Variants in MTMR9 observed in about 807,000 individuals in gnomAD.
The protein encoded by MTMR9 is myotubularin-related protein 9.
A neutral mutation model predicts 69.5 loss-of-function variants in MTMR9; 39 were observed. The observed-to-expected ratio is 0.56, with a 90% CI of 0.43 to 0.73. The LOEUF (loss-of-function observed/expected upper bound fraction) is 0.73, where lower values mean the gene tolerates loss of function less well. Among genes scored for constraint, MTMR9 ranks in the 30% least tolerant of loss-of-function variants. MTMR9 has a pLI of 0.00. For missense variants in MTMR9, 900 were observed against 671.2 expected (o/e 1.34, Z -3.77); for synonymous variants, 354 against 240.8 (o/e 1.47, Z -4.35).
At chr8:11,293,107 A>G (rs532625188) in intron 1 of MTMR9, among the ~76,000 whole-genome samples, 8 of 152,314 alleles carry the variant, frequency 5.3e-5, no homozygotes, top group African/African-American at 1.7e-4. Flanking sequence ...TATGTTATTA[A>G]TATTTCCCCT....
chr8:11,319,485 C>T (rs899869692), intron 8 of MTMR9: 7 of 570,584 alleles, frequency 1.2e-5, no homozygotes, highest in Non-Finnish European at 2.1e-5. Context: ...GTAAAATACT[C>T]TTTGTTTTGT....
At chr8:11,329,815 G>C (rs1321512779), downstream of MTMR9, among the ~76,000 whole-genome samples, 1 of 149,770 alleles carries the variant, frequency 6.7e-6, no homozygotes, top group Non-Finnish European at 1.5e-5. Flanking sequence ...CGGCTGCCCA[G>C]TCTGGGAAGT....
intron 1 of MTMR9, among the ~76,000 whole-genome samples, chr8:11,288,170 T>A (rs7012219): frequency 0.64 from 84,189 of 131,916 alleles, 27,523 homozygotes; most frequent in East Asian, 0.89. Context: ...TGAATAATTA[T>A]TTATTCACCT....
the MTMR9 span, among the ~76,000 whole-genome samples, chr8:11,337,630 T>C: frequency 6.6e-6 from 1 of 152,264 alleles, no homozygotes; most frequent in African/African-American, 2.4e-5. Flanking sequence ...CAGAGGCCAG[T>C]AGTGTTGACA....
chr8:11,334,731 T>G, the MTMR9 span, among the ~76,000 whole-genome samples: 1 of 152,184 alleles, frequency 6.6e-6, no homozygotes, highest in Non-Finnish European at 1.5e-5. Context: ...GAAAAAAGAA[T>G]GATGTCCCAT....
chr8:11,307,958 G>A (rs1404480803), intron 5 of MTMR9, among the ~76,000 whole-genome samples: 2 of 152,112 alleles, frequency 1.3e-5, no homozygotes, highest in African/African-American at 4.8e-5. Context: ...CCCTTATCCA[G>A]TGTGGTGTTC....
chr8:11,313,327 A>G (rs1014383712), intron 6 of MTMR9, among the ~76,000 whole-genome samples: 5 of 152,152 alleles, frequency 3.3e-5, no homozygotes, highest in Non-Finnish European at 5.9e-5. Flanking sequence ...AGCTGGTTTG[A>G]TCTTCTATCC....
At chr8:11,315,119 C>A in intron 7 of MTMR9, 55 bp downstream of exon 7, 1 of 1,579,676 alleles carries the variant, frequency 6.3e-7, no homozygotes, top group Non-Finnish European at 8.7e-7. Flanking sequence ...TGTGATCCTG[C>A]TTTGTGTGGT....
In MTMR9 at chr8:11,306,183, C is replaced by T; in HGVS notation, c.592-7C>T. On this transcript the variant is annotated splice_region_variant and splice_polypyrimidine_tract_variant and intron_variant, in intron 4 of 9. Coordinates refer to ENST00000221086, the MANE Select transcript of MTMR9 (RefSeq NM_015458.4). ...CTGTTGAATTTTCAGCTTTATTATGCTTCTAGGTAATTATGCGAAGTGGTC... is the reference window on the plus strand; with the variant it reads ...CTGTTGAATTTTCAGCTTTATTATGTTTCTAGGTAATTATGCGAAGTGGTC... 6.2e-7 allele frequency: 1 copy of T among 1,611,580 alleles called. No individual in the cohort carries two copies. Among genetic ancestry groups the T allele is most frequent in the Non-Finnish European group, 8.5e-7 (1 of 1,179,374 alleles).
chr8:11,304,665 A>G (rs917109324), intron 3 of MTMR9, among the ~76,000 whole-genome samples, 176 bp from the exon 4 acceptor site: 2 of 152,218 alleles, frequency 1.3e-5, no homozygotes, highest in East Asian at 1.9e-4. Flanking sequence ...GCCCTGAACC[A>G]TAGAGCTCCT....
At position 11,316,666 on chromosome 8, in the gene MTMR9, C is replaced by T. The variant is rs1281201164; in HGVS notation, c.1114-7C>T. The T allele has an allele frequency of 2.5e-6, 4 of 1,584,778 alleles. No homozygotes were observed. The African/African-American group carries it at 4.1e-5, about 16-fold the overall frequency. On this transcript the variant is annotated splice_region_variant and splice_polypyrimidine_tract_variant and intron_variant, in intron 7 of 9. Coordinates refer to ENST00000221086, the MANE Select transcript of MTMR9 (RefSeq NM_015458.4). ...ATATGACTGTCACGCCTCCATCTTCCCCCTAGGCTGGTCACCCATTCCAGC... is the reference window on the plus strand; with the variant it reads ...ATATGACTGTCACGCCTCCATCTTCTCCCTAGGCTGGTCACCCATTCCAGC...
intron 3 of MTMR9, chr8:11,300,431 C>T (rs1236025693): frequency 2.2e-5 from 5 of 230,870 alleles, no homozygotes; most frequent in South Asian, 1.3e-4. Flanking sequence ...AATTAGAAAA[C>T]ATTTTGAAGT....
chr8:11,332,441 T>G (rs1008025485), downstream of MTMR9, among the ~76,000 whole-genome samples: 1 of 151,964 alleles, frequency 6.6e-6, no homozygotes, highest in African/African-American at 2.4e-5. Flanking sequence ...AAAAGACAAC[T>G]AAATGAAATC....
chr8:11,307,445 A>G (rs1799982597), intron 5 of MTMR9, among the ~76,000 whole-genome samples: 1 of 152,190 alleles, frequency 6.6e-6, no homozygotes. Flanking sequence ...TCATCCATTG[A>G]CGTGCATTTA....
At position 11,300,355 on chromosome 8, in the gene MTMR9, T is replaced by A. The variant is rs114106003; in HGVS notation, c.417+207T>A. On this transcript the variant is annotated intron_variant, in intron 3 of 9. Transcript: ENST00000221086. ...ATTAATAATCAGTAATACTAAGATA[T>A]CTAGGAATACCCCCAAGTATTTCTA... is the stretch of plus-strand genomic sequence containing the variant. The A allele has an allele frequency of 4.4e-3, 1,781 of 401,852 alleles. 31 individuals carry two copies. The highest frequency in any genetic ancestry group is 0.034 in the African/African-American group (1,609 of 47,994). The allele number at this position is 401,852 out of a possible 1,614,324, so 24.9% of individuals were successfully genotyped here. A position where few individuals can be genotyped will look rare whatever the true frequency, so the allele number is the denominator to read the frequency against.
chr8:11,322,402 T>C (rs1293161908), intron 9 of MTMR9, among the ~76,000 whole-genome samples: 2 of 152,254 alleles, frequency 1.3e-5, no homozygotes, highest in African/African-American at 2.4e-5. Context: ...TCAATGAGCA[T>C]GTACATACAA....
intron 1 of MTMR9, among the ~76,000 whole-genome samples, chr8:11,294,241 C>G (rs879487532): frequency 1.3e-5 from 2 of 152,112 alleles, no homozygotes; most frequent in Non-Finnish European, 2.9e-5. Context: ...CCTTACTGCA[C>G]TAGTTATAAC....
intron 3 of MTMR9, among the ~76,000 whole-genome samples, chr8:11,303,016 A>G (rs1799804795): frequency 6.6e-6 from 1 of 151,892 alleles, no homozygotes; most frequent in African/African-American, 2.4e-5. Context: ...GAGACTGAAT[A>G]TTCTAAAGAT....
At position 11,300,069 on chromosome 8, in the gene MTMR9, A is replaced by G. The variant is rs763594140; in HGVS notation, c.338A>G (p.Tyr113Cys). The change falls in exon 3 of 10, where the codon TAC (tyrosine) becomes TGC (cysteine). Residue 113 changes from tyrosine (Y) to cysteine (C), a missense_variant. Tyr to Cys is a radical substitution (Grantham distance 194). Coordinates refer to ENST00000221086, the MANE Select transcript of MTMR9 (RefSeq NM_015458.4). ...ATCACTCTGATGTACCCTTTCTTTT[A>G]CCGTCCTATGTTTGAAGTGATAGAA... is the stretch of plus-strand genomic sequence containing the variant. ...DSITLMYPFF[Y>C]RPMFEVIEDG... 1 of 1,613,388 alleles carries G rather than the reference A, an allele frequency of 6.2e-7. No homozygotes were observed. The highest frequency in any genetic ancestry group is 1.3e-5 in the African/African-American group (1 of 74,810).
Sources: allele counts gnomAD v4.1 joint callset (sites outside exome capture counted in the v4.1 genomes callset), GRCh38; gene constraint gnomAD v4.1.1; transcripts MANE v1.5; gene names NCBI Gene and HGNC (gene_info 2026-07-23, HGNC 2026-07-21).